The following ARL9 variants were observed in gnomAD, a reference collection of about 807,000 sequenced individuals.
ARL9 encodes the protein ARF like GTPase 9.
ARL9 carries 14 observed loss-of-function variants against 27.0 expected under a neutral mutation model. The ratio of observed to expected loss-of-function variants is 0.52; its 90% CI spans 0.34 to 0.81. The LOEUF (loss-of-function observed/expected upper bound fraction) is 0.81, where lower values mean the gene tolerates loss of function less well. Ranked by LOEUF, ARL9 falls within the 30% of genes least tolerant of loss-of-function variation. The pLI is 0.01. For synonymous variants in ARL9, 106 were observed against 108.7 expected (o/e 0.98, Z 0.15); for missense variants, 294 against 290.0 (o/e 1.01, Z -0.10).
intron 1 of ARL9, among the ~76,000 whole-genome samples, chr4:56,509,282 C>A (rs1239118195): frequency 1.3e-5 from 2 of 149,892 alleles, no homozygotes; most frequent in Non-Finnish European, 3.0e-5. Flanking sequence ...CTCCTGCAAC[C>A]TCCACCTCCC....
intron 1 of ARL9, among the ~76,000 whole-genome samples, chr4:56,507,215 G>C (rs1721491120): frequency 1.3e-5 from 2 of 152,160 alleles, no homozygotes; most frequent in Non-Finnish European, 2.9e-5. Flanking sequence ...TACAAATTCA[G>C]CTTTCCTTAG....
At position 56,506,142 on chromosome 4, in the gene ARL9, G is replaced by A; in HGVS notation, c.279+1G>A. On this transcript the variant is annotated splice_donor_variant, in intron 1 of 3. Transcript: ENST00000640821. LOFTEE classifies it high-confidence loss of function. ...GACAAGGACCCCGCTCGAGCCGCTG[G>A]TAAGAGACCCAGTGCCCAGGACCCC... The A allele has an allele frequency of 8.1e-7, 1 of 1,233,656 alleles. No individual in the cohort carries two copies. Among genetic ancestry groups the A allele is most frequent in the Non-Finnish European group, 1.0e-6 (1 of 989,162 alleles). The allele number at this position is 1,233,656 out of a possible 1,614,324, so 76.4% of individuals were successfully genotyped here.
chr4:56,506,789 TGTGTGTG>T lies in ARL9; in HGVS notation c.279+649_279+655del, dbSNP rs1560694836. 673 of 153,304 alleles carry T rather than the reference TGTGTGTG, an allele frequency of 4.4e-3. 19 individuals are homozygous for T. Among genetic ancestry groups the T allele is most frequent in the African/African-American group, 0.019 (596 of 31,618 alleles). 9.5% of individuals were successfully genotyped at this position (153,304 alleles called of 1,614,324 possible). On this transcript the variant is annotated intron_variant, in intron 1 of 3. Transcript: ENST00000640821. ...CAATTATGAATGATTAACACAGTTG[TGTGTGTG>T]TGTGTGTGTGTGTGTGTGTGTGTGT...
In ARL9 at chr4:56,524,139, AT is replaced by A. The variant is rs1381769563; in HGVS notation, c.*264del. On this transcript the variant is annotated 3_prime_UTR_variant, in exon 4 of 4. Coordinates refer to ENST00000640821, the MANE Select transcript of ARL9 (RefSeq NM_001363794.2). ...AATAATACACATTTTAAAATACAAT[AT>A]AACAACTATTTACATAGCATTTTCA... 4.6e-5 allele frequency: 16 copies of A among 348,072 alleles called. No individual in the cohort carries two copies. The highest frequency in any genetic ancestry group is 1.7e-4 in the Admixed American group (4 of 23,250). The allele number at this position is 348,072 out of a possible 1,614,324, so 21.6% of individuals were successfully genotyped here.
intron 1 of ARL9, among the ~76,000 whole-genome samples, chr4:56,507,483 T>G (rs1304210331): frequency 1.3e-5 from 2 of 151,484 alleles, no homozygotes; most frequent in Non-Finnish European, 2.9e-5. Flanking sequence ...CCTAGCTAAT[T>G]TCTGTATTTT....
chr4:56,506,824 GTGTGTGTGTTCTT>G (rs1721479617), intron 1 of ARL9, among the ~76,000 whole-genome samples: 1 of 150,728 alleles, frequency 6.6e-6, no homozygotes, highest in Non-Finnish European at 1.5e-5. Flanking sequence ...GTGTGTGTGT[GTGTGTGTGTTCTT>G]TTTTGAGACA....
intron 3 of ARL9, among the ~76,000 whole-genome samples, chr4:56,519,601 A>G (rs1026313180): frequency 6.6e-6 from 1 of 152,126 alleles, no homozygotes; most frequent in African/African-American, 2.4e-5. Flanking sequence ...CAGGCTCAAA[A>G]AAAAAATCAA....
At chr4:56,505,740 T>C (rs1011106814), upstream of ARL9, 11 of 1,388,170 alleles carry the variant, frequency 7.9e-6, no homozygotes, top group Middle Eastern at 2.7e-4. Context: ...CGCCCGCGGG[T>C]TGTCTACGCC....
chr4:56,515,827 T>C (rs1721753481), intron 2 of ARL9, among the ~76,000 whole-genome samples: 2 of 152,250 alleles, frequency 1.3e-5, no homozygotes, highest in Admixed American at 6.5e-5. Flanking sequence ...ATAATACAGT[T>C]TTCATGAATA....
chr4:56,518,480 T>G (rs1247577696), intron 2 of ARL9, among the ~76,000 whole-genome samples, 198 bp from the exon 3 acceptor site: 1 of 152,208 alleles, frequency 6.6e-6, no homozygotes, highest in Admixed American at 6.5e-5. Flanking sequence ...GAACCACTTG[T>G]GATGGTTCTT....
chr4:56,521,212 A>G (rs1297186730), intron 3 of ARL9, among the ~76,000 whole-genome samples: 2 of 145,604 alleles, frequency 1.4e-5, no homozygotes, highest in Admixed American at 1.4e-4. Flanking sequence ...CTCCGCCCCA[A>G]AAAACAAAAA....
At chr4:56,511,412 G>A (rs1721635086) in intron 2 of ARL9, 65 bp downstream of exon 2, 1 of 1,480,270 alleles carries the variant, frequency 6.8e-7, no homozygotes, top group Admixed American at 2.0e-5. Flanking sequence ...CAGATATGAT[G>A]TTAGCAACAT....
rs562923430 is a variant in ARL9, at chr4:56,510,142, G to A, written c.280-1043G>A. 1.3e-3 allele frequency among the ~76,000 whole-genome samples: 197 copies of A among 151,674 alleles called. 3 individuals are homozygous for A. The highest frequency in any genetic ancestry group is 4.4e-3 in the African/African-American group (180 of 41,370). The stretch of plus-strand genomic sequence containing the variant: ...TGGGAGGCCAAGGTGGGCAGATCAC[G>A]AGGTCAGGAGTTCGAGACCAGCCTG... On this transcript the variant is annotated intron_variant, in intron 1 of 3. Transcript: ENST00000640821.
chr4:56,518,758 G>A lies in ARL9; in HGVS notation c.523G>A (p.Ala175Thr). ...GCTGCTGATCTTTGTGGTGGATTCA[G>A]CAGATCACAGCCGATTACCTGAAGC... The part of the protein sequence containing the change: ...GLLLIFVVDS[A>T]DHSRLPEAKK... The change falls in exon 3 of 4, where the codon GCA becomes ACA. Residue 175 changes from alanine to threonine, a missense_variant. Coordinates refer to ENST00000640821, the MANE Select transcript of ARL9 (RefSeq NM_001363794.2). The A allele has an allele frequency of 1.2e-6, 2 of 1,614,012 alleles. No homozygotes were observed. Among genetic ancestry groups the A allele is most frequent in the Non-Finnish European group, 8.5e-7 (1 of 1,179,884 alleles).
chr4:56,509,259 G>A (rs1272826599), intron 1 of ARL9, among the ~76,000 whole-genome samples: 1 of 145,446 alleles, frequency 6.9e-6, no homozygotes, highest in African/African-American at 2.6e-5. Flanking sequence ...GGAGTGCAGT[G>A]GTGTCATCTC....
rs1722013115 is a variant in ARL9, at chr4:56,524,146, C to T, written c.*270C>T. 3.1e-6 allele frequency: 1 copy of T among 323,242 alleles called. No individual in the cohort carries two copies. 20.0% of individuals were successfully genotyped at this position (323,242 alleles called of 1,614,324 possible). On this transcript the variant is annotated 3_prime_UTR_variant, in exon 4 of 4. Coordinates refer to ENST00000640821, the MANE Select transcript of ARL9 (RefSeq NM_001363794.2). ...CACATTTTAAAATACAATATAACAA[C>T]TATTTACATAGCATTTTCATTGTAT...
chr4:56,506,627 T>C, intron 1 of ARL9: 1 of 985,362 alleles, frequency 1.0e-6, no homozygotes, highest in Non-Finnish European at 1.2e-6. Context: ...AGACCACCAG[T>C]ACCATGAATG....
rs190431762 is a variant in ARL9 at position 56,523,797 on chromosome 4, C to A, written c.719C>A (p.Thr240Asn). 2 of 1,613,842 alleles carry A rather than the reference C, an allele frequency of 1.2e-6. No homozygotes were observed. The highest frequency in any genetic ancestry group is 2.7e-5 in the African/African-American group (2 of 74,914). ...ATGTTCTTGTTTGGAACCTACCTGA[C>A]TAAGAATGGCTCAGAGATACCCTCC... Reference protein sequence around the residue: ...RKMFLFGTYLTKNGSEIPSTM... With the variant: ...RKMFLFGTYLNKNGSEIPSTM... The change falls in exon 4 of 4, where the codon ACT (threonine) becomes AAT (asparagine). Residue 240 changes from threonine (T) to asparagine (N), a missense_variant. By Grantham distance (65) the Thr-to-Asn change is moderately conservative. Coordinates refer to ENST00000640821, the MANE Select transcript of ARL9 (RefSeq NM_001363794.2).
intron 3 of ARL9, among the ~76,000 whole-genome samples, chr4:56,521,217 CAAA>C (rs57537197): frequency 3.2e-5 from 3 of 94,890 alleles, no homozygotes; most frequent in Non-Finnish European, 5.0e-5. Context: ...CCCCAAAAAA[CAAA>C]AAAAAAAAAA....
Sources: gnomAD v4.1 joint callset for allele counts (sites outside exome capture counted in the v4.1 genomes callset) on GRCh38, gnomAD v4.1.1 for gene constraint, MANE v1.5 for transcripts, NCBI Gene and HGNC (gene_info 2026-07-23, HGNC 2026-07-21) for gene names.